The following ARHGAP24 variants were observed in gnomAD, a reference collection of about 807,000 sequenced individuals.
The protein encoded by ARHGAP24 is Rho GTPase activating protein 24, also known as rho GTPase-activating protein 24.
ARHGAP24 carries 50 observed loss-of-function variants against 76.4 expected under a neutral mutation model. That is an observed-to-expected ratio of 0.65 (90% CI 0.52 to 0.83). ARHGAP24 has a LOEUF of 0.83. ARHGAP24 is among the 40% of genes least tolerant of loss of function. The pLI, the probability that ARHGAP24 is intolerant of heterozygous loss-of-function variation, is 0.00. For synonymous variants in ARHGAP24, 345 were observed against 323.3 expected (o/e 1.07, Z -0.72); for missense variants, 930 against 914.2 (o/e 1.02, Z -0.22).
At chr4:85,752,068 A>G (rs1481876887) in intron 3 of ARHGAP24, among the ~76,000 whole-genome samples, 2 of 152,162 alleles carry the variant, frequency 1.3e-5, no homozygotes, top group Admixed American at 6.5e-5. Flanking sequence ...ACTCCTCGCC[A>G]CATAGCCATA....
intron 2 of ARHGAP24, among the ~76,000 whole-genome samples, chr4:85,650,431 T>C (rs2109980135): frequency 1.3e-5 from 2 of 149,600 alleles, no homozygotes; most frequent in East Asian, 3.9e-4. Flanking sequence ...ACTAACCCAA[T>C]GACCTTGGCC....
chr4:85,721,406 CA>C (rs11409263), intron 2 of ARHGAP24, among the ~76,000 whole-genome samples: 6,773 of 107,138 alleles, frequency 0.063, 443 homozygotes, highest in African/African-American at 0.19. Context: ...AAAAAACAAA[CA>C]AAAAAAAAAA....
At chr4:85,779,332 G>C (rs1379956106) in intron 3 of ARHGAP24, among the ~76,000 whole-genome samples, 1 of 152,076 alleles carries the variant, frequency 6.6e-6, no homozygotes, top group African/African-American at 2.4e-5. Flanking sequence ...TTCTTGACTG[G>C]GCAGGAGGGG....
intron 3 of ARHGAP24, among the ~76,000 whole-genome samples, chr4:85,877,947 A>G (rs1733031196): frequency 6.6e-6 from 1 of 152,156 alleles, no homozygotes; most frequent in Non-Finnish European, 1.5e-5. Context: ...TCTTTAGTTG[A>G]TATTAAAATG....
chr4:85,564,447 C>A (rs192478353), intron 1 of ARHGAP24, among the ~76,000 whole-genome samples: 1 of 84,180 alleles, frequency 1.2e-5, no homozygotes, highest in Non-Finnish European at 2.7e-5. Flanking sequence ...ATGTAAATGA[C>A]GAGTTAATGG....
At chr4:85,652,261 T>G (rs560990650) in intron 2 of ARHGAP24, among the ~76,000 whole-genome samples, 1 of 152,250 alleles carries the variant, frequency 6.6e-6, no homozygotes, top group Admixed American at 6.5e-5. Flanking sequence ...TCAGCAAAAG[T>G]GATAATGATT....
At chr4:85,984,809 A>G (rs1439389189) in intron 8 of ARHGAP24, among the ~76,000 whole-genome samples, 3 of 152,202 alleles carry the variant, frequency 2.0e-5, no homozygotes, top group Admixed American at 6.5e-5. Flanking sequence ...TTTTAGAAAA[A>G]CAACTCTTTT....
chr4:85,757,795 G>A (rs1031211613), intron 3 of ARHGAP24, among the ~76,000 whole-genome samples: 1 of 152,170 alleles, frequency 6.6e-6, no homozygotes, highest in Non-Finnish European at 1.5e-5. Context: ...TCACCATACT[G>A]TCTTCCACAA....
chr4:85,584,326 T>C (rs1429549056), intron 2 of ARHGAP24, among the ~76,000 whole-genome samples: 4 of 150,928 alleles, frequency 2.7e-5, no homozygotes, highest in African/African-American at 9.8e-5. Context: ...TCATTCTCAG[T>C]AAACTATCAC....
chr4:85,973,847 T>TTTTTG (rs1560757372), intron 6 of ARHGAP24, among the ~76,000 whole-genome samples: 3 of 94,414 alleles, frequency 3.2e-5, no homozygotes, highest in African/African-American at 1.2e-4. Flanking sequence ...TTTTTTTTTT[T>TTTTTG]TTTTTTTTTT....
At chr4:85,816,088 C>G (rs930702347) in intron 3 of ARHGAP24, among the ~76,000 whole-genome samples, 1 of 152,150 alleles carries the variant, frequency 6.6e-6, no homozygotes, top group Non-Finnish European at 1.5e-5. Flanking sequence ...CCAGGTCCCT[C>G]CCACAATACG....
intron 1 of ARHGAP24, among the ~76,000 whole-genome samples, chr4:85,508,890 C>A (rs1033861528): frequency 6.6e-6 from 1 of 152,000 alleles, no homozygotes; most frequent in African/African-American, 2.4e-5. Context: ...TATCTCTAGG[C>A]CTTTCCCCCT....
chr4:85,733,803 T>C (rs2110054559), intron 3 of ARHGAP24, among the ~76,000 whole-genome samples: 1 of 152,278 alleles, frequency 6.6e-6, no homozygotes, highest in South Asian at 2.1e-4. Flanking sequence ...AGGGCCACCC[T>C]CATCACCTCA....
At chr4:85,635,901 T>C (rs1721294866) in intron 2 of ARHGAP24, among the ~76,000 whole-genome samples, 1 of 151,884 alleles carries the variant, frequency 6.6e-6, no homozygotes, top group African/African-American at 2.4e-5. Context: ...ACGCATTTCC[T>C]TTTAAATAGA....
intron 2 of ARHGAP24, among the ~76,000 whole-genome samples, chr4:85,710,557 T>C (rs1292821182): frequency 6.6e-6 from 1 of 152,148 alleles, no homozygotes; most frequent in East Asian, 1.9e-4. Flanking sequence ...AAAATTTGCA[T>C]ACTATGCCTC....
intron 1 of ARHGAP24, among the ~76,000 whole-genome samples, chr4:85,480,643 G>A (rs1722778881): frequency 6.6e-6 from 1 of 151,844 alleles, no homozygotes; most frequent in Admixed American, 6.6e-5. Context: ...TTGTTTTCTA[G>A]GTCATTTTTT....
chr4:85,538,607 T>C (rs1219726493), intron 1 of ARHGAP24, among the ~76,000 whole-genome samples: 1 of 152,204 alleles, frequency 6.6e-6, no homozygotes, highest in Non-Finnish European at 1.5e-5. Context: ...CTATTTGACT[T>C]GTAATTGAAC....
chr4:85,824,316 A>G (rs566691271), intron 3 of ARHGAP24, among the ~76,000 whole-genome samples: 9 of 152,344 alleles, frequency 5.9e-5, no homozygotes, highest in Non-Finnish European at 1.2e-4. Flanking sequence ...TAAAAAAGCC[A>G]CATGGAAGGG....
intron 3 of ARHGAP24, among the ~76,000 whole-genome samples, chr4:85,903,655 C>G (rs1369385709): frequency 6.6e-6 from 1 of 152,006 alleles, no homozygotes; most frequent in Non-Finnish European, 1.5e-5. Flanking sequence ...TACTTTAGAG[C>G]TTTAAAAAAT....
Sources: allele counts gnomAD v4.1 joint callset (sites outside exome capture counted in the v4.1 genomes callset), GRCh38; gene constraint gnomAD v4.1.1; transcripts MANE v1.5; gene names NCBI Gene and HGNC (gene_info 2026-07-23, HGNC 2026-07-21).